Variants in SLC14A2 observed in about 807,000 individuals in gnomAD.
SLC14A2 encodes urea transporter 2.
Under a neutral mutation model 104.6 loss-of-function variants are expected in SLC14A2, and 91 were observed. The ratio of observed to expected loss-of-function variants is 0.87; its 90% confidence interval spans 0.73 to 1.04. SLC14A2 has a LOEUF of 1.04. Ranked by LOEUF, SLC14A2 falls within the 50% of genes least tolerant of loss-of-function variation. SLC14A2 has a pLI of 0.00. For missense variants in SLC14A2, 1,189 were observed against 1,156.0 expected, an observed-to-expected ratio of 1.03 and a Z score of -0.41; for synonymous variants, 476 against 466.4, an observed-to-expected ratio of 1.02 and a Z score of -0.27.
At position 45,384,563 on chromosome 18, in the gene SLC14A2, G is replaced by A. The variant is rs1008145246; in HGVS notation, c.-124-98670G>A. Among the ~76,000 whole-genome samples, 13 of 152,274 alleles carry A rather than the reference G, an allele frequency of 8.5e-5. No homozygotes were observed. In the East Asian group the frequency reaches 1.5e-3, roughly 18 times the overall value. ...CTTAGCCTGAATCTGAGTAAAGGAAGGGATTTATGATCTAATGTTAGGCAC... is the reference window on the plus strand; with the variant it reads ...CTTAGCCTGAATCTGAGTAAAGGAAAGGATTTATGATCTAATGTTAGGCAC... On this transcript the variant is annotated intron_variant, in intron 1 of 20. Coordinates refer to the SLC14A2 transcript ENST00000586448.
At chr18:45,260,457 TGGGTACA>T (rs2084524352) in intron 1 of SLC14A2, among the ~76,000 whole-genome samples, 4 of 152,212 alleles carry the variant, frequency 2.6e-5, no homozygotes, top group African/African-American at 9.6e-5. Flanking sequence ...ACCCTACTAC[TGGGTACA>T]TACCCAAAGG....
At chr18:45,211,986 G>C (rs555885096), upstream of SLC14A2, among the ~76,000 whole-genome samples, 1 of 152,206 alleles carries the variant, frequency 6.6e-6, no homozygotes, top group South Asian at 2.1e-4. Context: ...ATGTGGATTT[G>C]ATATATCTAC....
chr18:45,579,071 G>A (rs535587875), intron 2 of SLC14A2, among the ~76,000 whole-genome samples: 7 of 148,110 alleles, frequency 4.7e-5, no homozygotes, highest in Admixed American at 2.0e-4. Flanking sequence ...GTAGTCACAG[G>A]TGTCCAACAG....
chr18:45,224,923 T>C (rs1275824249), intron 1 of SLC14A2, among the ~76,000 whole-genome samples: 1 of 152,204 alleles, frequency 6.6e-6, no homozygotes, highest in African/African-American at 2.4e-5. Flanking sequence ...TGTAAAAATT[T>C]TCTCCCATTC....
chr18:45,643,363 C>G (rs1434486844), intron 9 of SLC14A2, among the ~76,000 whole-genome samples, 182 bp downstream of exon 9: 1 of 152,066 alleles, frequency 6.6e-6, no homozygotes, highest in African/African-American at 2.4e-5. Context: ...CATACATGTA[C>G]CTCTAGGAGA....
chr18:45,357,582 A>C (rs1379745329), intron 1 of SLC14A2, among the ~76,000 whole-genome samples: 1 of 152,154 alleles, frequency 6.6e-6, no homozygotes, highest in Non-Finnish European at 1.5e-5. Context: ...CAAAGAAATA[A>C]AAATAAAGAA....
intron 1 of SLC14A2, among the ~76,000 whole-genome samples, chr18:45,450,689 C>T (rs2086843513): frequency 6.6e-6 from 1 of 152,212 alleles, no homozygotes; most frequent in African/African-American, 2.4e-5. Flanking sequence ...CAAGGTTACA[C>T]TCTGACAGTC....
the SLC14A2 span, among the ~76,000 whole-genome samples, chr18:45,193,966 G>T: frequency 2.6e-5 from 4 of 151,898 alleles, no homozygotes; most frequent in African/African-American, 9.7e-5. Context: ...GCATATTTTT[G>T]ATGTTATAAA....
intron 2 of SLC14A2, among the ~76,000 whole-genome samples, chr18:45,597,185 G>A (rs1008477898): frequency 6.6e-6 from 1 of 152,186 alleles, no homozygotes; most frequent in Non-Finnish European, 1.5e-5. Context: ...AAATTAGCCA[G>A]GCGTGGTGGT....
chr18:45,639,641 G>A (rs192057308), intron 6 of SLC14A2, 105 bp from the exon 7 acceptor site: 49 of 1,114,188 alleles, frequency 4.4e-5, no homozygotes, highest in African/African-American at 4.0e-4. Context: ...TCATCCTCCC[G>A]TTCCACTCCA....
chr18:45,624,443 G>A (rs552773169), intron 1 of SLC14A2, among the ~76,000 whole-genome samples, 188 bp from the exon 2 acceptor site: 173 of 152,248 alleles, frequency 1.1e-3, no homozygotes, highest in Non-Finnish European at 1.8e-3. Context: ...TTCTGGACGC[G>A]GAAGAATGGG....
intron 1 of SLC14A2, among the ~76,000 whole-genome samples, chr18:45,293,399 T>G (rs577823637): frequency 3.4e-4 from 52 of 152,080 alleles, no homozygotes; most frequent in Non-Finnish European, 6.6e-4. Context: ...TTCATGAAGT[T>G]CAATTTAATA....
chr18:45,486,442 C>T (rs928647174), intron 2 of SLC14A2, among the ~76,000 whole-genome samples: 1 of 151,974 alleles, frequency 6.6e-6, no homozygotes, highest in Non-Finnish European at 1.5e-5. Flanking sequence ...ACACTGCTAC[C>T]TTTGATCCCA....
chr18:45,502,758 C>A (rs1183225362), intron 2 of SLC14A2, among the ~76,000 whole-genome samples: 1 of 152,000 alleles, frequency 6.6e-6, no homozygotes, highest in Non-Finnish European at 1.5e-5. Flanking sequence ...GATAGGAGAA[C>A]TGAAACATAA....
chr18:45,551,817 C>G (rs948388299), intron 2 of SLC14A2, among the ~76,000 whole-genome samples: 1 of 152,176 alleles, frequency 6.6e-6, no homozygotes, highest in African/African-American at 2.4e-5. Flanking sequence ...CGTTTACTGT[C>G]GTCTGCACCA....
intron 1 of SLC14A2, among the ~76,000 whole-genome samples, chr18:45,461,351 G>A (rs1401171159): frequency 2.6e-5 from 4 of 152,144 alleles, no homozygotes; most frequent in Non-Finnish European, 4.4e-5. Context: ...TAGGTGGATA[G>A]GAGCTGCCTA....
intron 2 of SLC14A2, among the ~76,000 whole-genome samples, chr18:45,582,348 C>T (rs1001095000): frequency 2.0e-5 from 3 of 152,120 alleles, no homozygotes; most frequent in African/African-American, 7.2e-5. Context: ...AAATCCTCTG[C>T]TTCTAGGTTA....
chr18:45,254,980 C>G (rs1022648094), intron 1 of SLC14A2, among the ~76,000 whole-genome samples: 2 of 152,190 alleles, frequency 1.3e-5, no homozygotes, highest in Admixed American at 6.5e-5. Context: ...TGGCCTTCTG[C>G]ATTAGTAATG....
At chr18:45,206,832 G>T in the SLC14A2 span, among the ~76,000 whole-genome samples, 1 of 152,266 alleles carries the variant, frequency 6.6e-6, no homozygotes, top group African/African-American at 2.4e-5. Context: ...CAGATCAGCA[G>T]TCTACAAACT....
Sources: allele counts gnomAD v4.1 joint callset (sites outside exome capture counted in the v4.1 genomes callset), GRCh38; gene constraint gnomAD v4.1.1; transcripts MANE v1.5; gene names NCBI Gene and HGNC (gene_info 2026-07-23, HGNC 2026-07-21).